The following RFX3 variants were observed in gnomAD, a reference collection of about 807,000 sequenced individuals.
The protein encoded by RFX3 is regulatory factor X3.
RFX3 carries 14 observed loss-of-function variants against 98.6 expected under a neutral mutation model. The observed-to-expected ratio is 0.14, with a 90% CI of 0.09 to 0.22. The LOEUF is 0.22. RFX3 is among the 10% of genes least tolerant of loss of function. RFX3 has a pLI of 1.00. For synonymous variants in RFX3, 383 were observed against 328.4 expected, an observed-to-expected ratio of 1.17 and a Z score of -1.80; for missense variants, 639 against 926.9, an observed-to-expected ratio of 0.69 and a Z score of 4.03.
At chr9:3,522,111 C>A (rs1288000566) in intron 1 of RFX3, among the ~76,000 whole-genome samples, 1 of 151,778 alleles carries the variant, frequency 6.6e-6, no homozygotes, top group East Asian at 1.9e-4. Flanking sequence ...CAAAGGATGC[C>A]ACCTGCTTTA....
At chr9:3,283,486 C>A (rs1450686927) in intron 7 of RFX3, among the ~76,000 whole-genome samples, 2 of 151,684 alleles carry the variant, frequency 1.3e-5, no homozygotes, top group African/African-American at 4.8e-5. Flanking sequence ...CTCAATTCCC[C>A]ATTTTCCAAT....
chr9:3,248,092 G>A lies in RFX3; in HGVS notation c.1908C>T (p.Tyr636=). 2 of 1,614,008 alleles carry A rather than the reference G, an allele frequency of 1.2e-6. No homozygotes were observed. Among genetic ancestry groups the A allele is most frequent in the Admixed American group, 1.7e-5 (1 of 60,018 alleles). Residue 636 remains tyrosine, a synonymous_variant, in exon 15 of 17, where the codon TAC becomes TAT. Coordinates refer to ENST00000617270, the MANE Select transcript of RFX3 (RefSeq NM_001282116.2). ...CCTGAGCAACACGATGTTCTACTAA[G>A]TAAAACATATATTCGTCGTAGAGTA... ...IRLLYDEYMF[Y]LVEHRVAQAT...
At chr9:3,257,942 A>G (rs1223604580) in intron 13 of RFX3, among the ~76,000 whole-genome samples, 1 of 152,206 alleles carries the variant, frequency 6.6e-6, no homozygotes, top group African/African-American at 2.4e-5. Context: ...CAATGAAAAT[A>G]GGAACTTTTA....
At chr9:3,415,251 G>C (rs1315725874) in intron 1 of RFX3, among the ~76,000 whole-genome samples, 4 of 145,866 alleles carry the variant, frequency 2.7e-5, no homozygotes, top group Non-Finnish European at 6.0e-5. Flanking sequence ...ATCTTGCTCT[G>C]TTGCCCAGGC....
intron 3 of RFX3, among the ~76,000 whole-genome samples, chr9:3,341,985 A>G (rs35110056): frequency 0.043 from 6,576 of 152,314 alleles, 167 homozygotes; most frequent in Non-Finnish European, 0.056. Flanking sequence ...CCACTTATAG[A>G]GGAAGAAAAG....
At chr9:3,461,588 A>T (rs1041966905) in intron 1 of RFX3, among the ~76,000 whole-genome samples, 1 of 151,996 alleles carries the variant, frequency 6.6e-6, no homozygotes, top group Non-Finnish European at 1.5e-5. Flanking sequence ...GAATTTTTTT[A>T]ATTTAATGTA....
At chr9:3,469,485 C>T (rs1032591546) in intron 1 of RFX3, among the ~76,000 whole-genome samples, 5 of 152,124 alleles carry the variant, frequency 3.3e-5, no homozygotes, top group African/African-American at 1.2e-4. Context: ...TCTCTCAATA[C>T]TGGGTTCTAA....
At chr9:3,306,613 G>C (rs1829348007) in intron 4 of RFX3, among the ~76,000 whole-genome samples, 1 of 125,900 alleles carries the variant, frequency 7.9e-6, no homozygotes, top group Admixed American at 8.5e-5. Context: ...GGTGGGGGGA[G>C]GGGGGAGGGA....
chr9:3,416,496 TA>T (rs1842993350), intron 1 of RFX3, among the ~76,000 whole-genome samples: 1 of 147,742 alleles, frequency 6.8e-6, no homozygotes, highest in African/African-American at 2.6e-5. Flanking sequence ...GTATTCTTAT[TA>T]GGGGGAAAAA....
intron 4 of RFX3, among the ~76,000 whole-genome samples, chr9:3,304,616 G>A (rs571788778): frequency 6.6e-6 from 1 of 151,474 alleles, no homozygotes; most frequent in Admixed American, 6.6e-5. Flanking sequence ...TGTTCTTGTG[G>A]TAGTGAGTAA....
At chr9:3,517,991 T>C (rs1418928740) in intron 1 of RFX3, among the ~76,000 whole-genome samples, 8 of 152,218 alleles carry the variant, frequency 5.3e-5, no homozygotes, top group Admixed American at 5.2e-4. Context: ...CTTGACACAA[T>C]GCATTACCTT....
At chr9:3,230,476 A>T (rs1387409224) in intron 15 of RFX3, among the ~76,000 whole-genome samples, 1 of 152,222 alleles carries the variant, frequency 6.6e-6, no homozygotes, top group East Asian at 1.9e-4. Context: ...GTTCTTGATC[A>T]CATAGGTCAG....
intron 15 of RFX3, among the ~76,000 whole-genome samples, chr9:3,238,075 T>C (rs1819413433): frequency 6.6e-6 from 1 of 152,224 alleles, no homozygotes; most frequent in Admixed American, 6.5e-5. Flanking sequence ...AGGACTGAAT[T>C]TGTTCGTGTT....
At chr9:3,291,647 T>A (rs1827367951) in intron 6 of RFX3, among the ~76,000 whole-genome samples, 1 of 152,144 alleles carries the variant, frequency 6.6e-6, no homozygotes, top group Admixed American at 6.5e-5. Flanking sequence ...TGTATCCTTT[T>A]CTGTTGTTAA....
chr9:3,239,793 C>A (rs1819675920), intron 15 of RFX3, among the ~76,000 whole-genome samples: 1 of 152,206 alleles, frequency 6.6e-6, no homozygotes, highest in Admixed American at 6.5e-5. Context: ...TGTAAGGAGT[C>A]CACAGAGCCA....
At chr9:3,468,016 A>G (rs147831093) in intron 1 of RFX3, among the ~76,000 whole-genome samples, 108 of 152,304 alleles carry the variant, frequency 7.1e-4, no homozygotes, top group African/African-American at 2.6e-3. Flanking sequence ...AGATGATCGC[A>G]TTTAACCACT....
At chr9:3,230,785 T>C (rs748308538) in intron 15 of RFX3, among the ~76,000 whole-genome samples, 1 of 152,240 alleles carries the variant, frequency 6.6e-6, no homozygotes. Flanking sequence ...GTGAGTATTC[T>C]ATTTGCTGTT....
intron 5 of RFX3, among the ~76,000 whole-genome samples, chr9:3,294,416 C>A (rs1363727040): frequency 2.6e-5 from 4 of 152,050 alleles, no homozygotes; most frequent in Admixed American, 2.6e-4. Flanking sequence ...TTATTGAGCA[C>A]CAACCATGAG....
chr9:3,410,508 A>G (rs1178064204), intron 1 of RFX3, among the ~76,000 whole-genome samples: 1 of 152,126 alleles, frequency 6.6e-6, no homozygotes, highest in Admixed American at 6.6e-5. Context: ...ATTCAACACA[A>G]CAGTAAATGC....
Sources: allele counts gnomAD v4.1 joint callset (sites outside exome capture counted in the v4.1 genomes callset), GRCh38; gene constraint gnomAD v4.1.1; transcripts MANE v1.5; gene names NCBI Gene and HGNC (gene_info 2026-07-23, HGNC 2026-07-21).